LYPD1: variants seen among roughly 807,000 people sequenced by gnomAD.
LYPD1 encodes the protein ly6/PLAUR domain-containing protein 1.
In LYPD1, 14 loss-of-function variants were observed where a neutral mutation model predicts 14.2. The ratio of observed to expected loss-of-function variants is 0.99; its 90% CI spans 0.65 to 1.54. LYPD1 has a LOEUF of 1.54. Among genes scored for constraint, LYPD1 ranks in the 40% most tolerant of loss-of-function variants. The pLI, the probability that LYPD1 is intolerant of heterozygous loss-of-function variation, is 0.00. For synonymous variants in LYPD1, 85 were observed against 70.6 expected (o/e 1.20, Z -1.02); for missense variants, 165 against 175.7 (o/e 0.94, Z 0.34).
chr2:132,645,492 G>A lies in LYPD1; in HGVS notation c.*553C>T, dbSNP rs1682013483. Reference sequence around the variant, plus strand: ...TTTTCTTAAGCACTTTTCAGAGCGAGGCCGAGCCCCAGTCTAAGTCCCAGT... The same window carrying A: ...TTTTCTTAAGCACTTTTCAGAGCGAAGCCGAGCCCCAGTCTAAGTCCCAGT... On this transcript the variant is annotated 3_prime_UTR_variant, in exon 3 of 3. Transcript: ENST00000397463. 1 of 1,613,886 alleles carries A rather than the reference G, an allele frequency of 6.2e-7. No homozygotes were observed. Among genetic ancestry groups the A allele is most frequent in the South Asian group, 1.1e-5 (1 of 91,090 alleles).
intron 2 of LYPD1, among the ~76,000 whole-genome samples, chr2:132,661,255 A>G (rs1176639832): frequency 2.0e-5 from 3 of 152,186 alleles, no homozygotes; most frequent in Admixed American, 6.5e-5. Flanking sequence ...TCAAGGGAAA[A>G]CAGATGAATT....
chr2:132,651,102 C>T (rs1682345386), intron 2 of LYPD1, among the ~76,000 whole-genome samples: 1 of 152,188 alleles, frequency 6.6e-6, no homozygotes, highest in Non-Finnish European at 1.5e-5. Context: ...TATTGGTTGT[C>T]TCTGGCGTGA....
chr2:132,648,676 C>T (rs370072744), intron 2 of LYPD1, among the ~76,000 whole-genome samples: 4 of 152,126 alleles, frequency 2.6e-5, no homozygotes, highest in South Asian at 2.1e-4. Context: ...ACCCTCATGT[C>T]GTTAGTCAGA....
At chr2:132,655,711 T>G (rs931999128) in intron 2 of LYPD1, among the ~76,000 whole-genome samples, 4 of 151,950 alleles carry the variant, frequency 2.6e-5, no homozygotes, top group African/African-American at 9.7e-5. Flanking sequence ...AGATGGGGTT[T>G]CATCGTGTTA....
chr2:132,650,243 A>C (rs1168545522), intron 2 of LYPD1, among the ~76,000 whole-genome samples: 1 of 152,228 alleles, frequency 6.6e-6, no homozygotes, highest in Non-Finnish European at 1.5e-5. Flanking sequence ...AGAAGAATGC[A>C]AATTAAAACT....
chr2:132,645,943 C>CCAGAATA lies in LYPD1; in HGVS notation c.*95_*101dup, dbSNP rs1194647210. On this transcript the variant is annotated 3_prime_UTR_variant, in exon 3 of 3. Transcript: ENST00000397463. Reference sequence around the variant, plus strand: ...GAGAACACGGACTCCCGCTCCCTACCCAGAATAAAAGGACACCCAGAAGAA... The same window carrying CCAGAATA: ...GAGAACACGGACTCCCGCTCCCTACCCAGAATACAGAATAAAAGGACACCCAGAAGAA... The CCAGAATA allele has an allele frequency of 3.4e-6, 3 of 871,364 alleles. No individual in the cohort carries two copies. Among genetic ancestry groups the CCAGAATA allele is most frequent in the Non-Finnish European group, 5.2e-6 (3 of 577,130 alleles). 54.0% of individuals were successfully genotyped at this position (871,364 alleles called of 1,614,324 possible).
Position 132,644,816 on chromosome 2 carries a change from AT to A in LYPD1, c.*1228del. On this transcript the variant is annotated 3_prime_UTR_variant, in exon 3 of 3. Coordinates refer to ENST00000397463, the MANE Select transcript of LYPD1 (RefSeq NM_144586.7). ...TACGCAAACAAACACCAATGAAAAC[AT>A]TTTTTTAAAATTAACAGACATCAAC... 2.6e-6 allele frequency: 1 copy of A among 386,132 alleles called. No homozygotes were observed. Among genetic ancestry groups the A allele is most frequent in the Non-Finnish European group, 4.6e-6 (1 of 217,534 alleles). The allele number at this position is 386,132 out of a possible 1,614,324, so 23.9% of individuals were successfully genotyped here. A position where few individuals can be genotyped will look rare whatever the true frequency, so the allele number is the denominator to read the frequency against.
intron 2 of LYPD1, among the ~76,000 whole-genome samples, chr2:132,658,953 GGTGTGT>G (rs3043652): frequency 6.6e-6 from 1 of 150,906 alleles, no homozygotes; most frequent in Non-Finnish European, 1.5e-5. Flanking sequence ...GTGTTGTAGA[GGTGTGT>G]GTGTGTGTGT....
chr2:132,661,342 C>T (rs774476582), intron 2 of LYPD1, among the ~76,000 whole-genome samples: 39 of 152,192 alleles, frequency 2.6e-4, no homozygotes, highest in Non-Finnish European at 5.3e-4. Context: ...ATTCCTTTGC[C>T]GAAAACTCAC....
chr2:132,670,165 C>T lies in LYPD1; in HGVS notation c.-233G>A, dbSNP rs967752076. The T allele has an allele frequency of 2.2e-6, 3 of 1,333,998 alleles. No homozygotes were observed. The highest frequency in any genetic ancestry group is 3.1e-5 in the African/African-American group (2 of 64,116). The allele number at this position is 1,333,998 out of a possible 1,614,324, so 82.6% of individuals were successfully genotyped here. ...TGCTCCTCCCGCTCGCGCTCCCGGGCCGAGCACCGCGCCTCCGGAGTTGGC... is the reference window on the plus strand; with the variant it reads ...TGCTCCTCCCGCTCGCGCTCCCGGGTCGAGCACCGCGCCTCCGGAGTTGGC... On this transcript the variant is annotated 5_prime_UTR_variant, in exon 1 of 3. Transcript: ENST00000397463. The surrounding 1 kb of genome is among the most constrained non-coding windows in gnomAD (Gnocchi z 4.5).
At chr2:132,663,851 A>AAATAAAAT (rs373114988) in intron 2 of LYPD1, among the ~76,000 whole-genome samples, 24 of 152,310 alleles carry the variant, frequency 1.6e-4, no homozygotes, top group African/African-American at 5.3e-4. Context: ...TGTTCTGCAA[A>AAATAAAAT]AATAAAATAA....
rs368291385 is a variant in LYPD1 at position 132,645,086 on chromosome 2, C to T, written c.*959G>A. On this transcript the variant is annotated 3_prime_UTR_variant, in exon 3 of 3. Coordinates refer to ENST00000397463, the MANE Select transcript of LYPD1 (RefSeq NM_144586.7). ...TTCTTTTCTCTGTCTCTCCCTCCTG[C>T]TCGTGTCTGCCCAGGGCTGATTGTT... 10 of 1,599,612 alleles carry T rather than the reference C, an allele frequency of 6.3e-6. No individual in the cohort carries two copies. Among genetic ancestry groups the T allele is most frequent in the African/African-American group, 1.3e-5 (1 of 74,696 alleles).
rs897978518 is a variant in LYPD1 at position 132,664,546 on chromosome 2, T to C, written c.190+3854A>G. ...AAACAGACAAATAGATTAATGCATG[T>C]TGCAAAGGATGGGTGAAGAGATCGA... On this transcript the variant is annotated intron_variant, in intron 2 of 2. Coordinates refer to ENST00000397463, the MANE Select transcript of LYPD1 (RefSeq NM_144586.7). 1.2e-4 allele frequency among the ~76,000 whole-genome samples: 18 copies of C among 152,332 alleles called. No individual in the cohort carries two copies. The South Asian group carries it at 2.5e-3, about 21-fold the overall frequency.
intron 2 of LYPD1, among the ~76,000 whole-genome samples, chr2:132,650,693 C>T (rs192402032): frequency 1.3e-5 from 2 of 149,420 alleles, no homozygotes; most frequent in African/African-American, 2.5e-5. Flanking sequence ...CTTTTCTCTC[C>T]CTCCCTTCCT....
chr2:132,654,365 C>T (rs997409026), intron 2 of LYPD1, among the ~76,000 whole-genome samples: 3 of 149,682 alleles, frequency 2.0e-5, no homozygotes, highest in Non-Finnish European at 4.4e-5. Context: ...TGTTCCACTG[C>T]ACTCCAGCCT....
intron 2 of LYPD1, among the ~76,000 whole-genome samples, chr2:132,655,253 G>A (rs1682519544): frequency 1.3e-5 from 2 of 152,162 alleles, no homozygotes; most frequent in South Asian, 2.1e-4. Context: ...CCGGTTTGGA[G>A]ATGCCAATTT....
intron 2 of LYPD1, among the ~76,000 whole-genome samples, chr2:132,651,379 A>G (rs550331710): frequency 6.6e-6 from 1 of 152,190 alleles, no homozygotes; most frequent in East Asian, 1.9e-4. Flanking sequence ...GGGCAGGGGT[A>G]TTTGTGCCTG....
In LYPD1 at chr2:132,645,131, G is replaced by T. The variant is rs1558870333; in HGVS notation, c.*914C>A. On this transcript the variant is annotated 3_prime_UTR_variant, in exon 3 of 3. Transcript: ENST00000397463. The stretch of plus-strand genomic sequence containing the variant: ...ATTGTTGTGACATTGGCCGTATGCT[G>T]GATGCCCAACCAGATTCGGAGGATC... 1 of 1,613,868 alleles carries T rather than the reference G, an allele frequency of 6.2e-7. No individual in the cohort carries two copies. The highest frequency in any genetic ancestry group is 1.1e-5 in the South Asian group (1 of 91,022).
chr2:132,654,178 C>T (rs1164123035), intron 2 of LYPD1, among the ~76,000 whole-genome samples: 1 of 152,170 alleles, frequency 6.6e-6, no homozygotes, highest in African/African-American at 2.4e-5. Flanking sequence ...TATATAGAAA[C>T]TGCACTATTT....
Sources: allele counts gnomAD v4.1 joint callset (sites outside exome capture counted in the v4.1 genomes callset), GRCh38; gene constraint gnomAD v4.1.1; non-coding constraint Gnocchi (gnomAD v3.1); transcripts MANE v1.5; gene names NCBI Gene and HGNC (gene_info 2026-07-23, HGNC 2026-07-21).